TMCO5A: variants seen among roughly 807,000 people sequenced by gnomAD.
TMCO5A encodes transmembrane and coiled-coil domains 5A.
TMCO5A carries 34 observed loss-of-function variants against 42.3 expected under a neutral mutation model. The observed-to-expected ratio is 0.80, with a 90% CI of 0.61 to 1.07. The LOEUF (loss-of-function observed/expected upper bound fraction) is 1.07. Among genes scored for constraint, TMCO5A ranks in the 50% least tolerant of loss-of-function variants. The probability of loss-of-function intolerance (pLI) is 0.00; values close to 1 mark genes in which losing one functional copy is unlikely to be tolerated. For synonymous variants in TMCO5A, 131 were observed against 115.6 expected (o/e 1.13, Z -0.86); for missense variants, 357 against 327.9 (o/e 1.09, Z -0.69).
the TMCO5A span, among the ~76,000 whole-genome samples, chr15:38,006,465 G>T: frequency 6.6e-6 from 1 of 152,134 alleles, no homozygotes; most frequent in African/African-American, 2.4e-5. Flanking sequence ...GTTCACAGGG[G>T]ATACGTAAAC....
the TMCO5A span, among the ~76,000 whole-genome samples, chr15:38,035,000 C>A: frequency 6.6e-6 from 1 of 152,188 alleles, no homozygotes; most frequent in African/African-American, 2.4e-5. Context: ...CTCCTAAGGG[C>A]AAGCTGCACC....
downstream of TMCO5A, among the ~76,000 whole-genome samples, chr15:37,952,408 G>A (rs1890182990): frequency 6.6e-6 from 1 of 152,102 alleles, no homozygotes; most frequent in South Asian, 2.1e-4. Context: ...GCACCAGTCA[G>A]AGTCATGAGG....
At chr15:37,991,953 G>A in the TMCO5A span, among the ~76,000 whole-genome samples, 1 of 152,120 alleles carries the variant, frequency 6.6e-6, no homozygotes, top group Non-Finnish European at 1.5e-5. Flanking sequence ...AACTGGCAAA[G>A]GTTTCATGAT....
At chr15:37,989,132 G>C in the TMCO5A span, among the ~76,000 whole-genome samples, 1 of 151,580 alleles carries the variant, frequency 6.6e-6, no homozygotes, top group Admixed American at 6.6e-5. Flanking sequence ...ATTATTCATA[G>C]TACTCTCTTA....
the TMCO5A span, among the ~76,000 whole-genome samples, chr15:37,983,224 G>C: frequency 6.6e-6 from 1 of 152,262 alleles, no homozygotes; most frequent in South Asian, 2.1e-4. Context: ...GGGCACTTAC[G>C]ATGTGCTAGG....
the TMCO5A span, among the ~76,000 whole-genome samples, chr15:38,019,788 T>A: frequency 2.7e-5 from 4 of 150,932 alleles, no homozygotes; most frequent in Non-Finnish European, 4.4e-5. Flanking sequence ...TTTTTTTTTT[T>A]AATTTCATAG....
At chr15:38,020,985 T>C in the TMCO5A span, among the ~76,000 whole-genome samples, 2 of 152,118 alleles carry the variant, frequency 1.3e-5, no homozygotes, top group Non-Finnish European at 2.9e-5. Flanking sequence ...AAATACAAAA[T>C]GCATGGTTAT....
chr15:38,038,869 C>T, the TMCO5A span, among the ~76,000 whole-genome samples: 45 of 152,260 alleles, frequency 3.0e-4, no homozygotes, highest in East Asian at 7.3e-3. Context: ...ATAAGCAGCA[C>T]GACTTTTCAT....
At chr15:37,935,638 G>A (rs539866458) in intron 2 of TMCO5A, among the ~76,000 whole-genome samples, 5 of 152,140 alleles carry the variant, frequency 3.3e-5, no homozygotes, top group Admixed American at 1.3e-4. Flanking sequence ...AATATATCAA[G>A]AGCCTCCCAT....
chr15:37,937,502 GCC>G (rs776176707), intron 5 of TMCO5A, 106 bp downstream of exon 5: 198 of 1,189,428 alleles, frequency 1.7e-4, no homozygotes, highest in Admixed American at 8.6e-4. Context: ...AGTCAGAGAG[GCC>G]TGTATGTGGA....
At chr15:37,995,219 C>T in the TMCO5A span, among the ~76,000 whole-genome samples, 15 of 152,160 alleles carry the variant, frequency 9.9e-5, no homozygotes, top group South Asian at 2.1e-4. Flanking sequence ...AAAGGAAAGA[C>T]CACTACAGAG....
intron 9 of TMCO5A, chr15:37,942,540 T>A (rs1254038943): frequency 3.6e-6 from 1 of 279,698 alleles, no homozygotes. Context: ...TAAAAACATG[T>A]ACTTTAGAAA....
the TMCO5A span, among the ~76,000 whole-genome samples, chr15:38,008,043 C>G: frequency 4.0e-5 from 6 of 151,720 alleles, no homozygotes; most frequent in Admixed American, 2.0e-4. Context: ...CTACAGGCGC[C>G]TGCCACCACG....
chr15:38,035,406 C>T, the TMCO5A span, among the ~76,000 whole-genome samples: 22 of 152,236 alleles, frequency 1.4e-4, no homozygotes, highest in African/African-American at 5.3e-4. Flanking sequence ...TTAACATATC[C>T]AAAACCAAAC....
chr15:37,943,050 G>T (rs994775788), intron 9 of TMCO5A: 7 of 283,342 alleles, frequency 2.5e-5, no homozygotes, highest in Non-Finnish European at 3.3e-5. Flanking sequence ...GCTGAACATT[G>T]GTTTATGGCT....
chr15:37,954,488 C>T (rs1890235678), downstream of TMCO5A, among the ~76,000 whole-genome samples: 1 of 152,036 alleles, frequency 6.6e-6, no homozygotes, highest in Admixed American at 6.6e-5. Context: ...GAAATACAGG[C>T]TTTCTAGACA....
At chr15:37,986,553 C>T in the TMCO5A span, among the ~76,000 whole-genome samples, 1 of 151,886 alleles carries the variant, frequency 6.6e-6, no homozygotes. Context: ...CCATCCATCT[C>T]CAGAGGTCTT....
chr15:38,004,521 CA>C, the TMCO5A span, among the ~76,000 whole-genome samples: 37 of 152,196 alleles, frequency 2.4e-4, no homozygotes, highest in African/African-American at 8.4e-4. Flanking sequence ...GCAGTTTAGC[CA>C]ACAGTGGTGC....
the TMCO5A span, among the ~76,000 whole-genome samples, chr15:38,014,399 C>T: frequency 3.3e-5 from 5 of 152,090 alleles, no homozygotes; most frequent in Non-Finnish European, 5.9e-5. Flanking sequence ...CTTCAGCTCC[C>T]CATTCTTAAT....
Sources: allele counts gnomAD v4.1 joint callset (sites outside exome capture counted in the v4.1 genomes callset), GRCh38; gene constraint gnomAD v4.1.1; transcripts MANE v1.5; gene names NCBI Gene and HGNC (gene_info 2026-07-23, HGNC 2026-07-21).